Variants in TRIM5 observed in about 807,000 individuals in gnomAD.
The protein encoded by TRIM5 is tripartite motif containing 5.
TRIM5 carries 31 observed loss-of-function variants against 35.6 expected under a neutral mutation model. The ratio of observed to expected loss-of-function variants is 0.87; its 90% CI spans 0.65 to 1.18. The LOEUF is 1.18. Ranked by LOEUF, TRIM5 falls within the 50% of genes most tolerant of loss-of-function variation. The probability of loss-of-function intolerance (pLI) is 0.00; values close to 1 mark genes in which losing one functional copy is unlikely to be tolerated. For missense variants in TRIM5, 609 were observed against 591.6 expected (o/e 1.03, Z -0.31); for synonymous variants, 243 against 215.6 (o/e 1.13, Z -1.11).
chr11:5,610,090 G>A, the TRIM5 span: 6 of 1,588,180 alleles, frequency 3.8e-6, no homozygotes, highest in Middle Eastern at 1.7e-4. Context: ...GGAGATGGGT[G>A]GTGGAGGAAC....
At chr11:5,671,923 T>C (rs1213496000) in intron 4 of TRIM5, among the ~76,000 whole-genome samples, 6 of 152,076 alleles carry the variant, frequency 3.9e-5, no homozygotes, top group African/African-American at 1.4e-4. Context: ...CCACATATCA[T>C]AGAAAAACTT....
At position 5,664,524 on chromosome 11, in the gene TRIM5, G is replaced by A. The variant is rs983358121; in HGVS notation, c.*285C>T. Reference sequence around the variant, plus strand: ...GAGGCAATTGGGTGATAAATATCTGGCAGAAGTAATACCTAAATAGCGGTC... The same window carrying A: ...GAGGCAATTGGGTGATAAATATCTGACAGAAGTAATACCTAAATAGCGGTC... On this transcript the variant is annotated 3_prime_UTR_variant, in exon 8 of 8. Transcript: ENST00000380034. The A allele has an allele frequency of 1.8e-6, 2 of 1,109,970 alleles. No homozygotes were observed. Among genetic ancestry groups the A allele is most frequent in the East Asian group, 5.3e-5 (1 of 19,014 alleles). 68.8% of individuals were successfully genotyped at this position (1,109,970 alleles called of 1,614,324 possible).
the TRIM5 span, among the ~76,000 whole-genome samples, chr11:5,639,706 A>AAAAT: frequency 6.9e-6 from 1 of 144,156 alleles, no homozygotes; most frequent in African/African-American, 2.8e-5. Context: ...AAAAAAAAAA[A>AAAAT]AGATTGGAAG....
intron 1 of TRIM5, among the ~76,000 whole-genome samples, chr11:5,683,830 G>A (rs917290163): frequency 1.3e-5 from 2 of 152,206 alleles, no homozygotes; most frequent in African/African-American, 4.8e-5. Flanking sequence ...GGTGGGGCCA[G>A]ATAAGAGAAT....
chr11:5,679,039 TC>T, intron 3 of TRIM5, 34 bp downstream of exon 3: 1 of 1,581,870 alleles, frequency 6.3e-7, no homozygotes, highest in Non-Finnish European at 8.7e-7. Flanking sequence ...TGCCCAGATT[TC>T]TAGCTAACTC....
At chr11:5,595,542 G>A in the TRIM5 span, among the ~76,000 whole-genome samples, 8,156 of 152,018 alleles carry the variant, frequency 0.054, 644 homozygotes, top group African/African-American at 0.17. Context: ...TAATTAATAC[G>A]TCTATATGGA....
the TRIM5 span, among the ~76,000 whole-genome samples, chr11:5,594,587 G>A: frequency 7.7e-4 from 117 of 152,120 alleles, 1 homozygote; most frequent in East Asian, 0.011. Flanking sequence ...GATTACAAGC[G>A]AGCCAACATG....
intron 4 of TRIM5, among the ~76,000 whole-genome samples, chr11:5,676,093 G>A (rs541711168): frequency 6.9e-6 from 1 of 144,756 alleles, no homozygotes; most frequent in Non-Finnish European, 1.5e-5. Context: ...TCTTAATCCA[G>A]TCTATCATTG....
At chr11:5,672,135 A>C (rs1851628616) in intron 4 of TRIM5, among the ~76,000 whole-genome samples, 1 of 152,212 alleles carries the variant, frequency 6.6e-6, no homozygotes. Context: ...TTTTCTTCAA[A>C]TATGAAGAAA....
chr11:5,604,179 T>C, the TRIM5 span, among the ~76,000 whole-genome samples: 18 of 150,640 alleles, frequency 1.2e-4, no homozygotes, highest in African/African-American at 4.4e-4. Context: ...TGTGTGTGCG[T>C]GTGTGTGTGT....
At chr11:5,670,412 G>A (rs1590240389) in intron 4 of TRIM5, among the ~76,000 whole-genome samples, 1 of 151,276 alleles carries the variant, frequency 6.6e-6, no homozygotes, top group African/African-American at 2.4e-5. Flanking sequence ...GTCTCGATCC[G>A]CCCGCCTCGG....
chr11:5,624,685 G>GC, the TRIM5 span: 1 of 152,106 alleles, frequency 6.6e-6, no homozygotes, highest in South Asian at 2.1e-4. Flanking sequence ...ATGCTTAGCG[G>GC]CATCTGTGAC....
At chr11:5,612,413 A>AT in the TRIM5 span, 1 of 141,242 alleles carries the variant, frequency 7.1e-6, no homozygotes, top group Non-Finnish European at 1.6e-5. Context: ...CAATAGAACA[A>AT]TAAAAAAAAA....
the TRIM5 span, chr11:5,605,215 C>A: frequency 7.6e-7 from 1 of 1,308,040 alleles, no homozygotes; most frequent in Non-Finnish European, 1.1e-6. Flanking sequence ...CAGCATTTAC[C>A]CTCCCTCTCC....
chr11:5,635,475 A>C, the TRIM5 span, among the ~76,000 whole-genome samples: 1 of 151,980 alleles, frequency 6.6e-6, no homozygotes, highest in Non-Finnish European at 1.5e-5. Flanking sequence ...CCAGTATGGT[A>C]TTAATCTCCT....
At chr11:5,620,010 A>G in the TRIM5 span, 1 of 150,666 alleles carries the variant, frequency 6.6e-6, no homozygotes, top group Non-Finnish European at 1.5e-5. Context: ...TGACTCATGC[A>G]ACTTCTGCTT....
chr11:5,594,334 T>A, the TRIM5 span, among the ~76,000 whole-genome samples: 1 of 152,122 alleles, frequency 6.6e-6, no homozygotes, highest in Non-Finnish European at 1.5e-5. Context: ...TTGAGACTGA[T>A]TATCACTGTG....
At chr11:5,629,776 C>T in the TRIM5 span, among the ~76,000 whole-genome samples, 2 of 152,146 alleles carry the variant, frequency 1.3e-5, no homozygotes, top group Non-Finnish European at 1.5e-5. Flanking sequence ...GGTGCGATCT[C>T]GGCTCACTGG....
the TRIM5 span, among the ~76,000 whole-genome samples, chr11:5,653,014 G>A: frequency 0.14 from 20,985 of 151,776 alleles, 1,953 homozygotes; most frequent in East Asian, 0.42. Flanking sequence ...CAGCATACCC[G>A]GCTAATTTTT....
Sources: allele counts gnomAD v4.1 joint callset (sites outside exome capture counted in the v4.1 genomes callset), GRCh38; gene constraint gnomAD v4.1.1; transcripts MANE v1.5; gene names NCBI Gene and HGNC (gene_info 2026-07-23, HGNC 2026-07-21).